Variants in TRPM6 observed in about 807,000 individuals in gnomAD.
TRPM6 encodes channel kinase 2.
A neutral mutation model predicts 247.6 loss-of-function variants in TRPM6; 111 were observed. The ratio of observed to expected loss-of-function variants is 0.45; its 90% CI spans 0.38 to 0.52. TRPM6 has a LOEUF of 0.52. TRPM6 is among the 20% of genes least tolerant of loss of function. The pLI is 0.00. For synonymous variants in TRPM6, 892 were observed against 853.8 expected, an observed-to-expected ratio of 1.04 and a Z score of -0.78; for missense variants, 2,126 against 2,421.5, an observed-to-expected ratio of 0.88 and a Z score of 2.56.
intron 13 of TRPM6, among the ~76,000 whole-genome samples, chr9:74,810,080 A>T (rs747993545): frequency 3.3e-5 from 5 of 152,006 alleles, no homozygotes; most frequent in Non-Finnish European, 7.4e-5. Context: ...TTCTAACAAG[A>T]TATCAGACTT....
At chr9:74,751,508 T>C (rs1290630601) in intron 29 of TRPM6, among the ~76,000 whole-genome samples, 2 of 152,212 alleles carry the variant, frequency 1.3e-5, no homozygotes. Context: ...ATATCTGAGG[T>C]TGTTAGCCAT....
At chr9:74,748,206 T>C (rs1174107621) in intron 30 of TRPM6, among the ~76,000 whole-genome samples, 1 of 152,178 alleles carries the variant, frequency 6.6e-6, no homozygotes, top group Non-Finnish European at 1.5e-5. Flanking sequence ...GTAATTATGC[T>C]GGTGTAAGTA....
chr9:74,854,862 G>T (rs567069289), intron 3 of TRPM6, among the ~76,000 whole-genome samples: 7 of 152,152 alleles, frequency 4.6e-5, no homozygotes, highest in Admixed American at 3.3e-4. Flanking sequence ...GCTTTTGTAC[G>T]TCGAGACAGG....
Position 74,775,777 on chromosome 9 carries a change from C to T in TRPM6, c.3403+106G>A, listed in dbSNP as rs531221264. 4.3e-6 allele frequency: 5 copies of T among 1,155,368 alleles called. No homozygotes were observed. The South Asian group carries it at 6.2e-5, about 14-fold the overall frequency. 71.6% of individuals were successfully genotyped at this position (1,155,368 alleles called of 1,614,324 possible). On this transcript the variant is annotated intron_variant, in intron 24 of 38. Coordinates refer to ENST00000360774, the MANE Select transcript of TRPM6 (RefSeq NM_017662.5). ...CTGATATTCTATTGTCAGGGAACTC[C>T]CAGAGCCCCACAGTGCCCTGAACTT...
At chr9:74,767,693 A>T (rs1383174047) in intron 25 of TRPM6, among the ~76,000 whole-genome samples, 2 of 152,114 alleles carry the variant, frequency 1.3e-5, no homozygotes, top group Non-Finnish European at 2.9e-5. Flanking sequence ...GCAGGCTCAG[A>T]TGCGGTAACT....
intron 5 of TRPM6, among the ~76,000 whole-genome samples, chr9:74,835,920 T>C (rs1829706565): frequency 1.3e-5 from 2 of 152,158 alleles, no homozygotes; most frequent in Admixed American, 1.3e-4. Flanking sequence ...AGGAGACTGG[T>C]ACATCTGTTA....
At chr9:74,804,877 T>C (rs1828479574) in intron 14 of TRPM6, 2 of 389,546 alleles carry the variant, frequency 5.1e-6, no homozygotes, top group East Asian at 4.3e-5. Flanking sequence ...AATCCCAAAA[T>C]ATGCACATAG....
rs1827653400 is a variant in TRPM6 at position 74,786,069 on chromosome 9, C to T, written c.2724G>A (p.Glu908=). 6.2e-7 allele frequency: 1 copy of T among 1,614,194 alleles called. No individual in the cohort carries two copies. Among genetic ancestry groups the T allele is most frequent in the Non-Finnish European group, 8.5e-7 (1 of 1,180,016 alleles). ...FTQKVKVWIS[E]YWNLTETVAI... ...CCACAGTTTCTGTTAAGTTCCAGTACTCACTAATCCATACCTTCACCTTTT... is the reference window on the plus strand; with the variant it reads ...CCACAGTTTCTGTTAAGTTCCAGTATTCACTAATCCATACCTTCACCTTTT... The change falls in exon 21 of 39, where the codon GAG becomes GAA. Residue 908 remains glutamate, a synonymous_variant. Transcript: ENST00000360774.
At chr9:74,823,700 A>C (rs536880559) in intron 7 of TRPM6, among the ~76,000 whole-genome samples, 7 of 152,348 alleles carry the variant, frequency 4.6e-5, no homozygotes, top group Admixed American at 2.6e-4. Context: ...AAAGTAATAG[A>C]AGAAAATTTC....
chr9:74,808,637 G>A (rs1309588273), intron 13 of TRPM6, among the ~76,000 whole-genome samples: 1 of 152,290 alleles, frequency 6.6e-6, no homozygotes, highest in East Asian at 1.9e-4. Flanking sequence ...AAATCTTAAA[G>A]TCTACACTGA....
At chr9:74,863,658 T>A (rs1444707697) in intron 1 of TRPM6, among the ~76,000 whole-genome samples, 1 of 152,134 alleles carries the variant, frequency 6.6e-6, no homozygotes, top group Non-Finnish European at 1.5e-5. Context: ...CTCGGCTCAC[T>A]GCGAGCTCCG....
At chr9:74,743,636 C>A (rs888691181) in intron 32 of TRPM6, among the ~76,000 whole-genome samples, 1 of 152,180 alleles carries the variant, frequency 6.6e-6, no homozygotes, top group Non-Finnish European at 1.5e-5. Context: ...CCCTTGACAT[C>A]TTTGTTTAAT....
Position 74,870,171 on chromosome 9 carries a change from A to G in TRPM6, c.34-11423T>C, listed in dbSNP as rs542191734. Among the ~76,000 whole-genome samples the G allele has an allele frequency of 1.1e-4, 16 of 149,174 alleles. No individual in the cohort carries two copies. In the South Asian group the frequency reaches 3.6e-3, roughly 33 times the overall value. On this transcript the variant is annotated intron_variant, in intron 1 of 38. Transcript: ENST00000360774. ...ATATGAAATCCTCTCTCACCAAAGTATCTGCTAAATTTAAAATAGTTGAAA... is the reference window on the plus strand; with the variant it reads ...ATATGAAATCCTCTCTCACCAAAGTGTCTGCTAAATTTAAAATAGTTGAAA...
rs370806221 is a variant in TRPM6, at chr9:74,812,473, A to G, written c.1309-40T>C. The stretch of plus-strand genomic sequence containing the variant: ...AATAAGAAATATAAAGACAATTAAG[A>G]AAGTAGAAATAACTAAAGAATTACA... On this transcript the variant is annotated intron_variant, in intron 11 of 38. Coordinates refer to ENST00000360774, the MANE Select transcript of TRPM6 (RefSeq NM_017662.5). 178 of 1,582,578 alleles carry G rather than the reference A, an allele frequency of 1.1e-4. 1 individual carries two copies. In the African/African-American group the frequency reaches 2.2e-3, roughly 19 times the overall value.
chr9:74,765,360 A>G (rs1826794088), intron 25 of TRPM6, among the ~76,000 whole-genome samples: 2 of 152,006 alleles, frequency 1.3e-5, no homozygotes. Context: ...CAAAAAAAAA[A>G]AAAACAGGAT....
intron 5 of TRPM6, among the ~76,000 whole-genome samples, chr9:74,837,559 G>A (rs1249485334): frequency 6.6e-6 from 1 of 151,772 alleles, no homozygotes; most frequent in Non-Finnish European, 1.5e-5. Context: ...CCATTCTCCT[G>A]CCTCAGCCTC....
rs1479831683 is a variant in TRPM6, at chr9:74,732,697, G to A, written c.5816C>T (p.Pro1939Leu). 20 of 1,608,362 alleles carry A rather than the reference G, an allele frequency of 1.2e-5. No individual in the cohort carries two copies. Among genetic ancestry groups the A allele is most frequent in the Non-Finnish European group, 1.6e-5 (19 of 1,176,972 alleles). The change falls in exon 37 of 39, where the codon CCT becomes CTT. Residue 1939 changes from proline (P) to leucine (L), a missense_variant. Pro to Leu is a moderately conservative substitution (Grantham distance 98). Around this residue, in one of 3 missense-constraint regions of TRPM6, gnomAD observed 327 missense variants for 397.7 expected, o/e 0.82. Coordinates refer to ENST00000360774, the MANE Select transcript of TRPM6 (RefSeq NM_017662.5). ...TAAATTAACTTACTGTTTGACTTCA[G>A]GTTTTATAACAGATGGATCTGTCAA... ...ENLTDPSVIK[P>L]EVKQSRGMVF...
chr9:74,887,309 G>C, intron 1 of TRPM6: 2 of 1,371,722 alleles, frequency 1.5e-6, no homozygotes, highest in Non-Finnish European at 1.9e-6. Context: ...GGCGCGGAGG[G>C]ACGGCCGTCT....
In TRPM6 at chr9:74,821,669, C is replaced by A; in HGVS notation, c.1010G>T (p.Gly337Val). The change falls in exon 8 of 39, where the codon GGG becomes GTG. Residue 337 changes from glycine (G) to valine (V), a missense_variant and splice_region_variant. By Grantham distance (109) the Gly-to-Val change is moderately radical (BLOSUM62 -3). Around this residue, in one of 3 missense-constraint regions of TRPM6, gnomAD observed 1,082 missense variants for 1,307.9 expected, o/e 0.83. Coordinates refer to ENST00000360774, the MANE Select transcript of TRPM6 (RefSeq NM_017662.5). The part of the protein sequence containing the change: ...AFTHKHLADE[G>V]MLRPQVKEEI... Reference sequence around the variant, plus strand: ...CAAAAAAGAAGAGCCAACAACTCACCCTTCATCTGCCAGGTGTTTGTGTGT... The same window carrying A: ...CAAAAAAGAAGAGCCAACAACTCACACTTCATCTGCCAGGTGTTTGTGTGT... 1.2e-6 allele frequency: 2 copies of A among 1,614,184 alleles called. No homozygotes were observed. Among genetic ancestry groups the A allele is most frequent in the Non-Finnish European group, 1.7e-6 (2 of 1,180,040 alleles).
Sources: allele counts gnomAD v4.1 joint callset (sites outside exome capture counted in the v4.1 genomes callset), GRCh38; gene constraint gnomAD v4.1.1; regional missense constraint gnomAD v4.1.1; transcripts MANE v1.5; gene names NCBI Gene and HGNC (gene_info 2026-07-23, HGNC 2026-07-21).